The following GCN1 variants were observed in gnomAD, a reference collection of about 807,000 sequenced individuals.
GCN1 encodes the protein stalled ribosome sensor GCN1.
Under a neutral mutation model 288.4 loss-of-function variants are expected in GCN1, and 90 were observed. That is an observed-to-expected ratio of 0.31 (90% CI 0.26 to 0.37). The LOEUF (loss-of-function observed/expected upper bound fraction) is 0.37. Among genes scored for constraint, GCN1 ranks in the 10% least tolerant of loss-of-function variants. The pLI, the probability that GCN1 is intolerant of heterozygous loss-of-function variation, is 1.00. For synonymous variants in GCN1, 1,386 were observed against 1,420.2 expected, an observed-to-expected ratio of 0.98 and a Z score of 0.54; for missense variants, 2,586 against 3,419.9, an observed-to-expected ratio of 0.76 and a Z score of 6.08.
In GCN1 at chr12:120,194,668, C is replaced by T; in HGVS notation, c.18+12G>A. Reference sequence around the variant, plus strand: ...TCCCTGGCCGCGTTGGCCCCGCAGCCGCCCGCCTCACCTGCGTGTCCGCCG... The same window carrying T: ...TCCCTGGCCGCGTTGGCCCCGCAGCTGCCCGCCTCACCTGCGTGTCCGCCG... On this transcript the variant is annotated intron_variant, in intron 1 of 57. Coordinates refer to ENST00000300648, the MANE Select transcript of GCN1 (RefSeq NM_006836.2). The T allele has an allele frequency of 6.6e-7, 1 of 1,514,308 alleles. No individual in the cohort carries two copies. Among genetic ancestry groups the T allele is most frequent in the Non-Finnish European group, 8.8e-7 (1 of 1,137,692 alleles). The allele number at this position is 1,514,308 out of a possible 1,614,324, so 93.8% of individuals were successfully genotyped here. A position where few individuals can be genotyped will look rare whatever the true frequency, so the allele number is the denominator to read the frequency against.
chr12:120,168,372 A>G (rs949909788), intron 15 of GCN1, 72 bp from the exon 16 acceptor site: 29 of 917,472 alleles, frequency 3.2e-5, no homozygotes, highest in East Asian at 4.8e-5. Flanking sequence ...TCCATCCTGA[A>G]GCTGCTGGGG....
chr12:120,193,198 C>T (rs1404457288), intron 1 of GCN1, among the ~76,000 whole-genome samples: 4 of 152,200 alleles, frequency 2.6e-5, no homozygotes, highest in Non-Finnish European at 5.9e-5. Flanking sequence ...ACTAAAAATA[C>T]AAAAATTATA....
Position 120,158,122 on chromosome 12 carries a change from G to A in GCN1, c.2906-92C>T, listed in dbSNP as rs1877811738. The A allele has an allele frequency of 6.9e-6, 9 of 1,301,478 alleles. 1 individual carries two copies. The highest frequency in any genetic ancestry group is 4.0e-5 in the South Asian group (3 of 74,840). The allele number at this position is 1,301,478 out of a possible 1,614,324, so 80.6% of individuals were successfully genotyped here. On this transcript the variant is annotated intron_variant, in intron 25 of 57. Transcript: ENST00000300648. The surrounding 1 kb of genome is among the most constrained non-coding windows in gnomAD (Gnocchi z 4.3). ...TCTATCCTCAGGGAAAGTAGGGAACGGATGGACCAGAGGCCCGTTCTGACA... is the reference window on the plus strand; with the variant it reads ...TCTATCCTCAGGGAAAGTAGGGAACAGATGGACCAGAGGCCCGTTCTGACA...
At chr12:120,188,575 GT>G (rs1006527648) in intron 2 of GCN1, among the ~76,000 whole-genome samples, 8 of 151,498 alleles carry the variant, frequency 5.3e-5, no homozygotes, top group African/African-American at 1.5e-4. Flanking sequence ...TAAAAAAAAT[GT>G]TTTTGGCTGG....
intron 34 of GCN1, among the ~76,000 whole-genome samples, chr12:120,150,586 A>AAAAGAAAG (rs766827133): frequency 6.7e-6 from 1 of 150,200 alleles, no homozygotes; most frequent in African/African-American, 2.5e-5. Context: ...TCTCAAAAAA[A>AAAAGAAAG]AAAGAAAGAA....
chr12:120,184,060 TC>T, intron 4 of GCN1, 51 bp downstream of exon 4: 1 of 1,517,310 alleles, frequency 6.6e-7, no homozygotes, highest in Admixed American at 1.9e-5. Flanking sequence ...CATCAGCTTC[TC>T]CTGAGCAGGA....
In GCN1 at chr12:120,147,260, A is replaced by C. The variant is rs756921507; in HGVS notation, c.4739T>G (p.Val1580Gly). The change falls in exon 38 of 58, where the codon GTC (valine) becomes GGC (glycine). Residue 1580 changes from valine to glycine, a missense_variant. Val to Gly is a moderately radical substitution (Grantham distance 109). This residue lies in a region of GCN1 where 371 missense variants were observed against 572.6 expected (regional missense o/e 0.65). Coordinates refer to ENST00000300648, the MANE Select transcript of GCN1 (RefSeq NM_006836.2). ...GGGATCCGTCAGGGCATCCAGGAGG[A>C]CTGGAGCAATGGCTGCACATCCAAA... is the stretch of plus-strand genomic sequence containing the variant. ...RNPEILAIAP[V>G]LLDALTDPSR... 16 of 1,596,270 alleles carry C rather than the reference A, an allele frequency of 1.0e-5. No homozygotes were observed. Among genetic ancestry groups the C allele is most frequent in the Non-Finnish European group, 1.3e-5 (15 of 1,167,134 alleles).
chr12:120,136,891 A>G (rs1254304260), intron 50 of GCN1, among the ~76,000 whole-genome samples, 159 bp from the exon 51 acceptor site: 1 of 152,180 alleles, frequency 6.6e-6, no homozygotes, highest in East Asian at 1.9e-4. Context: ...AGGGCTGGCT[A>G]TGGAACGGTC....
intron 5 of GCN1, among the ~76,000 whole-genome samples, chr12:120,181,465 CAAAAAAA>C (rs71072594): frequency 1.5e-4 from 11 of 74,006 alleles, no homozygotes; most frequent in East Asian, 8.6e-4. Context: ...ATCTTTGTCT[CAAAAAAA>C]AAAAAAAAAA....
chr12:120,147,436 G>T (rs1453285749), intron 37 of GCN1, among the ~76,000 whole-genome samples, 164 bp from the exon 38 acceptor site: 1 of 152,142 alleles, frequency 6.6e-6, no homozygotes, highest in Non-Finnish European at 1.5e-5. Flanking sequence ...CCCACAAAGA[G>T]CAATCCTTGT....
In GCN1 at chr12:120,155,376, A is replaced by G. The variant is rs759408111; in HGVS notation, c.3495T>C (p.Ile1165=). 1 of 1,614,164 alleles carries G rather than the reference A, an allele frequency of 6.2e-7. No individual in the cohort carries two copies. The highest frequency in any genetic ancestry group is 2.2e-5 in the East Asian group (1 of 44,886). Residue 1165 remains isoleucine (I), a synonymous_variant, in exon 30 of 58, where the codon ATT becomes ATC. Transcript: ENST00000300648. This position sits in a 1 kb window ranked among gnomAD's most constrained non-coding sequence, Gnocchi z 4.9. ...CCGCCTCATGATAGATCACGTCGTC[A>G]ATCAGCAAGGAGCAGAGGTCTGGCT... ...DLQPDLCSLL[I]DDVIYHEAAV... is the part of the protein sequence containing the mutation.
chr12:120,187,212 T>TC, intron 2 of GCN1, among the ~76,000 whole-genome samples: 1 of 151,402 alleles, frequency 6.6e-6, no homozygotes, highest in East Asian at 1.9e-4. Flanking sequence ...GCCATGATTT[T>TC]CTTTTTTTTT....
At position 120,155,578 on chromosome 12, in the gene GCN1, G is replaced by A; in HGVS notation, c.3440+14C>T. The A allele has an allele frequency of 6.2e-7, 1 of 1,613,814 alleles. No homozygotes were observed. The highest frequency in any genetic ancestry group is 8.5e-7 in the Non-Finnish European group (1 of 1,179,712). On this transcript the variant is annotated intron_variant, in intron 29 of 57. Transcript: ENST00000300648. The surrounding 1 kb of genome is among the most constrained non-coding windows in gnomAD (Gnocchi z 4.9). ...AGGATGCAGCAGGAGAAAGCGACAT[G>A]CTGGCTCTCTCACCTCTCAGCCAGC...
intron 1 of GCN1, among the ~76,000 whole-genome samples, chr12:120,190,660 CA>C (rs1878975017): frequency 6.6e-6 from 1 of 152,110 alleles, no homozygotes; most frequent in African/African-American, 2.4e-5. Flanking sequence ...TGTCTCCTGG[CA>C]GGCAAAATCA....
intron 34 of GCN1, among the ~76,000 whole-genome samples, chr12:120,150,424 G>T (rs1325382890): frequency 6.6e-6 from 1 of 151,518 alleles, no homozygotes; most frequent in Non-Finnish European, 1.5e-5. Context: ...GTGAAACCCT[G>T]TCTCTACTAA....
chr12:120,134,791 G>C lies in GCN1; in HGVS notation c.7009-65C>G. ...AGACCCAAAGCCACAGTGTACCACA[G>C]GCATGAGAACAAATGACAATCCCAA... On this transcript the variant is annotated intron_variant, in intron 51 of 57. Coordinates refer to ENST00000300648, the MANE Select transcript of GCN1 (RefSeq NM_006836.2). The surrounding 1 kb of genome is among the most constrained non-coding windows in gnomAD (Gnocchi z 5.0). 1 of 1,367,468 alleles carries C rather than the reference G, an allele frequency of 7.3e-7. No homozygotes were observed. The highest frequency in any genetic ancestry group is 1.0e-6 in the Non-Finnish European group (1 of 962,576). 84.7% of individuals were successfully genotyped at this position (1,367,468 alleles called of 1,614,324 possible).
At chr12:120,161,815 T>A (rs1877941122) in intron 21 of GCN1, 65 bp downstream of exon 21, 2 of 1,499,396 alleles carry the variant, frequency 1.3e-6, no homozygotes, top group Non-Finnish European at 1.8e-6. Context: ...ACTGGCTCCA[T>A]TCTACACACA....
chr12:120,162,718 G>A (rs1047072494), intron 20 of GCN1, 129 bp downstream of exon 20: 46 of 1,041,676 alleles, frequency 4.4e-5, no homozygotes, highest in Middle Eastern at 6.4e-4. Flanking sequence ...TTTCTGTCAC[G>A]TGCAACCAAG....
At chr12:120,170,355 C>T (rs1448278064) in intron 14 of GCN1, 34 bp from the exon 15 acceptor site, 1 of 1,604,648 alleles carries the variant, frequency 6.2e-7, no homozygotes, top group Non-Finnish European at 8.5e-7. Context: ...TAAAGGACAT[C>T]CTGATCCTTG....
Sources: gnomAD v4.1 joint callset for allele counts (sites outside exome capture counted in the v4.1 genomes callset) on GRCh38, gnomAD v4.1.1 for gene constraint, gnomAD v4.1.1 regional missense constraint, Gnocchi (gnomAD v3.1) non-coding constraint, MANE v1.5 for transcripts, NCBI Gene and HGNC (gene_info 2026-07-23, HGNC 2026-07-21) for gene names.